WDR70: variants seen among roughly 807,000 people sequenced by gnomAD.
WDR70 encodes the protein WD repeat-containing protein 70.
In WDR70, 53 loss-of-function variants were observed where a neutral mutation model predicts 88.6. That is an observed-to-expected ratio of 0.60 (90% confidence interval 0.48 to 0.75). WDR70 has a LOEUF of 0.75. Among genes scored for constraint, WDR70 ranks in the 30% least tolerant of loss-of-function variants. The pLI is 0.00. For missense variants in WDR70, 610 were observed against 823.2 expected (o/e 0.74, Z 3.17); for synonymous variants, 280 against 270.0 (o/e 1.04, Z -0.36).
At chr5:37,553,626 C>A (rs780362231) in intron 9 of WDR70, among the ~76,000 whole-genome samples, 23 of 152,200 alleles carry the variant, frequency 1.5e-4, no homozygotes, top group Non-Finnish European at 2.8e-4. Context: ...CTTCTATGTG[C>A]AAATCACCAC....
At chr5:37,504,470 G>T (rs1740498318) in intron 8 of WDR70, among the ~76,000 whole-genome samples, 1 of 152,138 alleles carries the variant, frequency 6.6e-6, no homozygotes, top group Admixed American at 6.5e-5. Context: ...TATTTCTACA[G>T]AGGTACCTTC....
At chr5:37,724,626 C>T (rs1747916669) in intron 15 of WDR70, 1 of 263,256 alleles carries the variant, frequency 3.8e-6, no homozygotes, top group Admixed American at 5.1e-5. Flanking sequence ...ATATGTGTTT[C>T]TTTTCAAAAC....
At chr5:37,749,775 A>G (rs1412657062) in intron 17 of WDR70, among the ~76,000 whole-genome samples, 1 of 151,302 alleles carries the variant, frequency 6.6e-6, no homozygotes, top group Admixed American at 6.6e-5. Context: ...ATGACAGTTG[A>G]AGTGACCCTG....
chr5:37,558,919 C>CTT lies in WDR70; in HGVS notation c.917+42341_917+42342dup, dbSNP rs112687653. Among the ~76,000 whole-genome samples the CTT allele has an allele frequency of 6.3e-5, 9 of 143,760 alleles. No homozygotes were observed. The East Asian group carries it at 1.4e-3, about 23-fold the overall frequency. 94.3% of individuals were successfully genotyped at this position (143,760 alleles called of 152,430 possible). A position where few individuals can be genotyped will look rare whatever the true frequency, so the allele number is the denominator to read the frequency against. On this transcript the variant is annotated intron_variant, in intron 9 of 17. Transcript: ENST00000265107. ...ACTTACTGTCATAATTTGGTGTATT[C>CTT]TTTTTTTTTTTTTCTTCTTTTTCTG...
At chr5:37,384,706 G>A (rs1477560406) in intron 3 of WDR70, among the ~76,000 whole-genome samples, 1 of 150,586 alleles carries the variant, frequency 6.6e-6, no homozygotes, top group Admixed American at 6.6e-5. Context: ...TGTTGTCCAG[G>A]CCAGTCTTGA....
intron 7 of WDR70, among the ~76,000 whole-genome samples, chr5:37,451,397 C>A (rs1738672976): frequency 6.6e-6 from 1 of 152,104 alleles, no homozygotes; most frequent in African/African-American, 2.4e-5. Context: ...TCTGTATCGT[C>A]CAGTATGGTA....
chr5:37,725,171 A>G, intron 16 of WDR70, 121 bp downstream of exon 16: 1 of 742,714 alleles, frequency 1.3e-6, no homozygotes, highest in Non-Finnish European at 2.2e-6. Context: ...AGATTTTACT[A>G]GTGTTTTAAA....
chr5:37,725,144 CTTCT>C (rs1747935619), intron 16 of WDR70, 94 bp downstream of exon 16: 6 of 959,418 alleles, frequency 6.3e-6, no homozygotes, highest in Non-Finnish European at 9.7e-6. Context: ...GGCCTGGATG[CTTCT>C]TTGTCTTCAG....
intron 7 of WDR70, among the ~76,000 whole-genome samples, chr5:37,465,146 T>C (rs1581306163): frequency 6.6e-6 from 1 of 152,332 alleles, no homozygotes; most frequent in East Asian, 1.9e-4. Context: ...AAGGACTTCA[T>C]TCTTTCCCAG....
intron 9 of WDR70, among the ~76,000 whole-genome samples, chr5:37,542,844 C>T (rs1377833502): frequency 6.6e-6 from 1 of 152,028 alleles, no homozygotes; most frequent in African/African-American, 2.4e-5. Context: ...CAAATATGAC[C>T]ACAATTCTTC....
chr5:37,638,091 A>G (rs1290623732), intron 10 of WDR70, among the ~76,000 whole-genome samples: 1 of 152,284 alleles, frequency 6.6e-6, no homozygotes, highest in African/African-American at 2.4e-5. Flanking sequence ...GAGCCTGATT[A>G]TATAGCCTCT....
chr5:37,581,885 T>G (rs1743226365), intron 9 of WDR70, among the ~76,000 whole-genome samples: 1 of 152,166 alleles, frequency 6.6e-6, no homozygotes, highest in East Asian at 1.9e-4. Context: ...TTTGACTGGC[T>G]GCTGAATATT....
chr5:37,509,808 T>A (rs2366416), intron 8 of WDR70, among the ~76,000 whole-genome samples: 131,300 of 143,994 alleles, frequency 0.91, 60,262 homozygotes, highest in East Asian at 0.99. Flanking sequence ...TTTTTTTTTT[T>A]AACAGACTTT....
chr5:37,734,673 G>A (rs1168821944), intron 17 of WDR70, among the ~76,000 whole-genome samples: 1 of 151,976 alleles, frequency 6.6e-6, no homozygotes, highest in East Asian at 1.9e-4. Context: ...TAGATACAGT[G>A]GTCAGGGAAG....
At chr5:37,555,631 C>T (rs1682460473) in intron 9 of WDR70, among the ~76,000 whole-genome samples, 1 of 152,178 alleles carries the variant, frequency 6.6e-6, no homozygotes, top group South Asian at 2.1e-4. Context: ...TAAAACTTCA[C>T]CTTTTCCCGC....
intron 8 of WDR70, 33 bp downstream of exon 8, chr5:37,480,020 A>T: frequency 6.3e-7 from 1 of 1,583,056 alleles, no homozygotes; most frequent in South Asian, 1.1e-5. Flanking sequence ...TAATGAATTA[A>T]TTCAGCACAC....
intron 8 of WDR70, among the ~76,000 whole-genome samples, chr5:37,513,407 C>A (rs938160960): frequency 6.6e-6 from 1 of 151,968 alleles, no homozygotes; most frequent in Non-Finnish European, 1.5e-5. Flanking sequence ...CAGAGCTGAA[C>A]ATATTGGAGG....
chr5:37,450,406 C>T (rs1451949541), intron 7 of WDR70, among the ~76,000 whole-genome samples: 1 of 152,100 alleles, frequency 6.6e-6, no homozygotes, highest in Non-Finnish European at 1.5e-5. Flanking sequence ...ATTATACTAA[C>T]CTATGTATAT....
chr5:37,429,216 A>T (rs1354290099), intron 5 of WDR70, among the ~76,000 whole-genome samples: 3 of 152,058 alleles, frequency 2.0e-5, no homozygotes, highest in Non-Finnish European at 2.9e-5. Flanking sequence ...TGAGTTTTAG[A>T]GTTTAGAGTT....
Sources: gnomAD v4.1 joint callset for allele counts (sites outside exome capture counted in the v4.1 genomes callset) on GRCh38, gnomAD v4.1.1 for gene constraint, MANE v1.5 for transcripts, NCBI Gene and HGNC (gene_info 2026-07-23, HGNC 2026-07-21) for gene names.